LRRTM3: variants seen among roughly 807,000 people sequenced by gnomAD.
LRRTM3 encodes the protein leucine-rich repeat transmembrane neuronal protein 3.
In LRRTM3, 24 loss-of-function variants were observed where a neutral mutation model predicts 44.7. The ratio of observed to expected loss-of-function variants is 0.54; its 90% CI spans 0.39 to 0.76. LRRTM3 has a LOEUF of 0.76. Ranked by LOEUF, LRRTM3 falls within the 30% of genes least tolerant of loss-of-function variation. The probability of loss-of-function intolerance (pLI) is 0.00; values close to 1 mark genes in which losing one functional copy is unlikely to be tolerated. For missense variants in LRRTM3, 587 were observed against 702.2 expected (o/e 0.84, Z 1.85); for synonymous variants, 277 against 278.7 (o/e 0.99, Z 0.06).
At chr10:67,088,724 A>G (rs948378820) in intron 2 of LRRTM3, among the ~76,000 whole-genome samples, 3 of 152,032 alleles carry the variant, frequency 2.0e-5, no homozygotes, top group Non-Finnish European at 4.4e-5. Context: ...TTGCACAAAT[A>G]CCACTAAAAG....
chr10:67,030,438 T>A (rs1281848877), intron 2 of LRRTM3, among the ~76,000 whole-genome samples: 1 of 152,142 alleles, frequency 6.6e-6, no homozygotes, highest in Admixed American at 6.5e-5. Flanking sequence ...AATTAAGGAA[T>A]TAATCTTGAA....
At chr10:66,941,485 A>C (rs1424562603) in intron 2 of LRRTM3, among the ~76,000 whole-genome samples, 1 of 152,218 alleles carries the variant, frequency 6.6e-6, no homozygotes, top group Non-Finnish European at 1.5e-5. Flanking sequence ...TCCACTTTGA[A>C]CGCAGGAATC....
intron 2 of LRRTM3, among the ~76,000 whole-genome samples, chr10:66,978,960 C>CTTTTTTTTTTTTTTTTTTTTTTTT: frequency 1.2e-5 from 1 of 83,782 alleles, no homozygotes; most frequent in Non-Finnish European, 2.2e-5. Flanking sequence ...TACTTATTTC[C>CTTTTTTTTTTTTTTTTTTTTTTTT]TTTTTTTTTT....
At position 66,927,162 on chromosome 10, in the gene LRRTM3, A is replaced by C. The variant is rs1847128514; in HGVS notation, c.246A>C (p.Lys82Asn). The change falls in exon 2 of 3, where the codon AAA (lysine) becomes AAC (asparagine). Residue 82 changes from lysine to asparagine, a missense_variant. Lys to Asn is a moderately conservative substitution (Grantham distance 94, BLOSUM62 0). Around this residue, in one of 3 missense-constraint regions of LRRTM3, gnomAD observed 222 missense variants for 323.3 expected, o/e 0.69. Coordinates refer to ENST00000361320, the MANE Select transcript of LRRTM3 (RefSeq NM_178011.5). The surrounding 1 kb of genome is among the most constrained non-coding windows in gnomAD (Gnocchi z 4.7). ...AAAAACTTAAGTATAATCAATTTAA[A>C]GGGCTCAACCAGCTCACCTGGCTAT... ...SLQKLKYNQF[K>N]GLNQLTWLYL... The C allele has an allele frequency of 5.6e-6, 9 of 1,614,194 alleles. No individual in the cohort carries two copies. The highest frequency in any genetic ancestry group is 7.6e-6 in the Non-Finnish European group (9 of 1,180,028).
intron 2 of LRRTM3, among the ~76,000 whole-genome samples, chr10:66,931,298 A>G (rs1011324353): frequency 6.6e-6 from 1 of 151,616 alleles, no homozygotes; most frequent in African/African-American, 2.4e-5. Context: ...TCTAAACTTC[A>G]TGTGAGTTTT....
intron 2 of LRRTM3, among the ~76,000 whole-genome samples, chr10:67,069,124 T>A (rs1467466000): frequency 6.6e-6 from 1 of 151,936 alleles, no homozygotes; most frequent in African/African-American, 2.4e-5. Context: ...AGAAGTGGCA[T>A]GAGTTTAAGA....
At chr10:67,041,996 A>G (rs1854422103) in intron 2 of LRRTM3, among the ~76,000 whole-genome samples, 1 of 152,160 alleles carries the variant, frequency 6.6e-6, no homozygotes, top group African/African-American at 2.4e-5. Flanking sequence ...ATAAAATTGA[A>G]GTAACCTTAA....
chr10:67,046,826 C>T (rs1318715732), intron 2 of LRRTM3, among the ~76,000 whole-genome samples: 3 of 152,120 alleles, frequency 2.0e-5, no homozygotes, highest in Non-Finnish European at 2.9e-5. Context: ...ATAATCGAAG[C>T]TTTCAACAGG....
chr10:67,079,863 AC>A, intron 2 of LRRTM3, among the ~76,000 whole-genome samples: 1 of 12,624 alleles, frequency 7.9e-5, no homozygotes, highest in Non-Finnish European at 1.3e-4. Context: ...AACAAAACAC[AC>A]ACACACACAC....
At chr10:66,951,474 T>C (rs560078222) in intron 2 of LRRTM3, among the ~76,000 whole-genome samples, 1 of 152,290 alleles carries the variant, frequency 6.6e-6, no homozygotes, top group Non-Finnish European at 1.5e-5. Context: ...ATGTGTCCCC[T>C]AACGTATTTA....
intron 2 of LRRTM3, among the ~76,000 whole-genome samples, chr10:67,034,508 C>T (rs752407854): frequency 2.6e-5 from 4 of 152,132 alleles, no homozygotes; most frequent in Admixed American, 1.3e-4. Flanking sequence ...CTTTCTGGTT[C>T]CTGGGTATTG....
At chr10:67,051,113 C>A (rs918349786) in intron 2 of LRRTM3, among the ~76,000 whole-genome samples, 9 of 152,168 alleles carry the variant, frequency 5.9e-5, no homozygotes, top group African/African-American at 9.7e-5. Flanking sequence ...GACAGAGATA[C>A]AAGCAATGCC....
chr10:66,972,207 T>C lies in LRRTM3; in HGVS notation c.1536+43755T>C, dbSNP rs75993679. Among the ~76,000 whole-genome samples the C allele has an allele frequency of 8.7e-4, 133 of 152,346 alleles. 1 individual carries two copies. In the East Asian group the frequency reaches 0.017, roughly 19 times the overall value. ...AGTTTCACTGGAATGAACAAAGATT[T>C]CTTTCTCTCACAGGCTAAAGTTTTC... On this transcript the variant is annotated intron_variant, in intron 2 of 2. Coordinates refer to ENST00000361320, the MANE Select transcript of LRRTM3 (RefSeq NM_178011.5).
chr10:66,956,722 T>C (rs886099549), intron 2 of LRRTM3, among the ~76,000 whole-genome samples: 1 of 152,218 alleles, frequency 6.6e-6, no homozygotes, highest in Non-Finnish European at 1.5e-5. Context: ...TAAAAGCATC[T>C]GTATTTTTCC....
At chr10:67,004,166 A>T (rs1387134478) in intron 2 of LRRTM3, among the ~76,000 whole-genome samples, 1 of 152,160 alleles carries the variant, frequency 6.6e-6, no homozygotes, top group South Asian at 2.1e-4. Context: ...GAGTAGTGAC[A>T]AATACTTAAT....
At chr10:66,953,509 T>C (rs985632392) in intron 2 of LRRTM3, among the ~76,000 whole-genome samples, 14 of 152,176 alleles carry the variant, frequency 9.2e-5, no homozygotes, top group Admixed American at 2.6e-4. Flanking sequence ...TACCATCATG[T>C]TCTTCCAGAA....
chr10:66,940,059 G>C (rs1317044441), intron 2 of LRRTM3, among the ~76,000 whole-genome samples: 1 of 152,028 alleles, frequency 6.6e-6, no homozygotes, highest in Admixed American at 6.6e-5. Context: ...AAAATAAGTA[G>C]TTAGGTTTTG....
At chr10:67,045,796 T>C (rs1217072225) in intron 2 of LRRTM3, among the ~76,000 whole-genome samples, 1 of 152,178 alleles carries the variant, frequency 6.6e-6, no homozygotes, top group African/African-American at 2.4e-5. Flanking sequence ...TGAATTACTC[T>C]ATACCACATT....
At chr10:66,956,121 C>G (rs922129484) in intron 2 of LRRTM3, among the ~76,000 whole-genome samples, 3 of 151,882 alleles carry the variant, frequency 2.0e-5, no homozygotes, top group Non-Finnish European at 4.4e-5. Flanking sequence ...GAAGAAGAAC[C>G]TTTTTGCTTG....
Sources: gnomAD v4.1 joint callset for allele counts (sites outside exome capture counted in the v4.1 genomes callset) on GRCh38, gnomAD v4.1.1 for gene constraint, gnomAD v4.1.1 regional missense constraint, Gnocchi (gnomAD v3.1) non-coding constraint, MANE v1.5 for transcripts, NCBI Gene and HGNC (gene_info 2026-07-23, HGNC 2026-07-21) for gene names.